Variants in FOXN3 observed in about 807,000 individuals in gnomAD.
FOXN3 encodes the protein forkhead box N3, also known as forkhead box protein N3.
A neutral mutation model predicts 38.4 loss-of-function variants in FOXN3; 7 were observed. That is an observed-to-expected ratio of 0.18 (90% confidence interval 0.10 to 0.34). FOXN3 has a LOEUF of 0.34. Ranked by LOEUF, FOXN3 falls within the 10% of genes least tolerant of loss-of-function variation. FOXN3 has a pLI of 1.00. For missense variants in FOXN3, 456 were observed against 613.4 expected (o/e 0.74, Z 2.71); for synonymous variants, 230 against 242.2 (o/e 0.95, Z 0.47).
At chr14:89,511,141 T>TTTTCTTTTCTTTTC (rs1894051126) in intron 1 of FOXN3, among the ~76,000 whole-genome samples, 1 of 20,996 alleles carries the variant, frequency 4.8e-5, no homozygotes, top group African/African-American at 9.3e-5. Context: ...TCTTTCTTTC[T>TTTTCTTTTCTTTTC]TTTCTTTCTT....
intron 1 of FOXN3, among the ~76,000 whole-genome samples, chr14:89,549,703 G>T (rs1037949186): frequency 5.9e-5 from 9 of 152,158 alleles, no homozygotes; most frequent in Admixed American, 3.9e-4. Flanking sequence ...TAACAGAATC[G>T]GTATTTCTTT....
intron 1 of FOXN3, among the ~76,000 whole-genome samples, chr14:89,572,938 C>T (rs1002942459): frequency 1.3e-5 from 2 of 152,218 alleles, no homozygotes; most frequent in Admixed American, 6.5e-5. Context: ...ACTTCCATGA[C>T]AGCTCCTGGC....
intron 4 of FOXN3, among the ~76,000 whole-genome samples, chr14:89,210,016 A>T (rs954333280): frequency 9.9e-5 from 15 of 152,230 alleles, no homozygotes; most frequent in African/African-American, 3.6e-4. Context: ...CTCCAATTCC[A>T]TGCTACACAA....
rs763708732 is a variant in FOXN3 at position 89,415,885 on chromosome 14, CT to C, written c.-15+985del. Among the ~76,000 whole-genome samples the C allele has an allele frequency of 4.3e-3, 628 of 145,320 alleles. 3 individuals are homozygous for C. The highest frequency in any genetic ancestry group is 0.018 in the Middle Eastern group (5 of 276). On this transcript the variant is annotated intron_variant, in intron 1 of 5. Coordinates refer to ENST00000557258, the MANE Select transcript of FOXN3 (RefSeq NM_005197.4). ...ACACACACACACACACACACACACC[CT>C]CTTTTGTTTTTTTTATGACTTGCTG... is the stretch of plus-strand genomic sequence containing the variant.
rs934768138 is a variant in FOXN3, at chr14:89,321,058, T to C, written c.680+29614A>G. Among the ~76,000 whole-genome samples, 7 of 150,796 alleles carry C rather than the reference T, an allele frequency of 4.6e-5. 1 individual carries two copies. Among genetic ancestry groups the C allele is most frequent in the Non-Finnish European group, 8.9e-5 (6 of 67,706 alleles). On this transcript the variant is annotated intron_variant, in intron 3 of 5. Transcript: ENST00000557258. ...ATCCCAGCACTTTGGGAGGCCGAGG[T>C]GGGCAGATCACTTGAGGCCAGTAGT...
chr14:89,350,384 G>T, intron 3 of FOXN3: 1 of 248,278 alleles, frequency 4.0e-6, no homozygotes, highest in Non-Finnish European at 7.6e-6. Flanking sequence ...GACACACACC[G>T]AGATGTGAAA....
chr14:89,285,387 C>T (rs550000892), intron 3 of FOXN3, among the ~76,000 whole-genome samples: 8 of 152,102 alleles, frequency 5.3e-5, no homozygotes, highest in South Asian at 2.1e-4. Context: ...GGCATGGTGG[C>T]GCATGCCTGT....
intron 4 of FOXN3, among the ~76,000 whole-genome samples, chr14:89,221,199 A>G (rs1333868885): frequency 6.6e-6 from 1 of 152,172 alleles, no homozygotes; most frequent in East Asian, 1.9e-4. Flanking sequence ...CATAGTGGTA[A>G]CAATGATTAT....
upstream of FOXN3, among the ~76,000 whole-genome samples, chr14:89,420,199 C>G (rs1481745738): frequency 6.6e-6 from 1 of 152,244 alleles, no homozygotes; most frequent in Non-Finnish European, 1.5e-5. Context: ...TTAGCACCCA[C>G]CACCTTTGAA....
At chr14:89,251,324 G>C (rs1373572415) in intron 4 of FOXN3, among the ~76,000 whole-genome samples, 1 of 152,146 alleles carries the variant, frequency 6.6e-6, no homozygotes, top group Non-Finnish European at 1.5e-5. Context: ...TGCCCCTTCT[G>C]CCTAGAATCC....
At position 89,360,739 on chromosome 14, in the gene FOXN3, GCACCACCTCCAC is replaced by G. The variant is rs1306062905; in HGVS notation, c.544-9943_544-9932del. Among the ~76,000 whole-genome samples the G allele has an allele frequency of 3.2e-3, 209 of 64,968 alleles. 5 individuals carry two copies. The highest frequency in any genetic ancestry group is 0.012 in the African/African-American group (170 of 14,264). 42.6% of individuals were successfully genotyped at this position (64,968 alleles called of 152,430 possible). A position where few individuals can be genotyped will look rare whatever the true frequency, so the allele number is the denominator to read the frequency against. ...ACTACCTCCACCACCACCACCTCCA[GCACCACCTCCAC>G]CACCACCTCCACCACTACCACCTCC... On this transcript the variant is annotated intron_variant, in intron 2 of 5. Transcript: ENST00000557258.
At chr14:89,393,386 T>A (rs1440507816) in intron 2 of FOXN3, among the ~76,000 whole-genome samples, 1 of 152,220 alleles carries the variant, frequency 6.6e-6, no homozygotes, top group Admixed American at 6.5e-5. Context: ...ATTATCTTTC[T>A]GAGGGATACA....
At chr14:89,567,792 G>A (rs573899730) in intron 1 of FOXN3, among the ~76,000 whole-genome samples, 25 of 150,056 alleles carry the variant, frequency 1.7e-4, no homozygotes, top group Admixed American at 4.7e-4. Context: ...GCGCGATCTC[G>A]GGTCACTGCA....
In FOXN3 at chr14:89,297,824, A is replaced by T. The variant is rs75192302; in HGVS notation, c.681-16810T>A. Among the ~76,000 whole-genome samples, 259 of 150,560 alleles carry T rather than the reference A, an allele frequency of 1.7e-3. 1 individual carries two copies. Among genetic ancestry groups the T allele is most frequent in the African/African-American group, 6.1e-3 (244 of 40,298 alleles). ...AAGACCCTGATTCTACAAAAAAAAA[A>T]TTTTTTTTTAAGTCACCGGGTGTGG... is the stretch of plus-strand genomic sequence containing the variant. On this transcript the variant is annotated intron_variant, in intron 3 of 5. Coordinates refer to ENST00000557258, the MANE Select transcript of FOXN3 (RefSeq NM_005197.4).
chr14:89,612,994 G>A (rs898524469), intron 1 of FOXN3, among the ~76,000 whole-genome samples: 1 of 151,748 alleles, frequency 6.6e-6, no homozygotes, highest in African/African-American at 2.4e-5. Context: ...GCACGCACCT[G>A]TAATCCCAGC....
intron 3 of FOXN3, among the ~76,000 whole-genome samples, chr14:89,315,274 TG>T (rs1887685811): frequency 6.6e-6 from 1 of 152,164 alleles, no homozygotes; most frequent in Non-Finnish European, 1.5e-5. Context: ...TGTCTCTTGG[TG>T]CAGCATCACA....
At chr14:89,300,552 C>T (rs1887188373) in intron 3 of FOXN3, among the ~76,000 whole-genome samples, 1 of 152,158 alleles carries the variant, frequency 6.6e-6, no homozygotes, top group South Asian at 2.1e-4. Flanking sequence ...TGCTGAAAAC[C>T]AGTCACAGAC....
At chr14:89,476,020 A>G (rs908989159) in intron 1 of FOXN3, among the ~76,000 whole-genome samples, 2 of 152,116 alleles carry the variant, frequency 1.3e-5, no homozygotes, top group Non-Finnish European at 2.9e-5. Context: ...GATAAGGATA[A>G]CCTGTGGTAT....
chr14:89,444,007 C>CAAAAAAAAAAAAA (rs569571116), intron 1 of FOXN3, among the ~76,000 whole-genome samples: 1 of 67,638 alleles, frequency 1.5e-5, no homozygotes, highest in Non-Finnish European at 2.6e-5. Context: ...GAAACTCTGT[C>CAAAAAAAAAAAAA]AAAAAAAAAA....
Sources: gnomAD v4.1 joint callset for allele counts (sites outside exome capture counted in the v4.1 genomes callset) on GRCh38, gnomAD v4.1.1 for gene constraint, MANE v1.5 for transcripts, NCBI Gene and HGNC (gene_info 2026-07-23, HGNC 2026-07-21) for gene names.